The following ZYG11A variants were observed in gnomAD, a reference collection of about 807,000 sequenced individuals.
ZYG11A encodes zyg-11 family member A, cell cycle regulator, also known as protein zyg-11 homolog A.
Under a neutral mutation model 77.2 loss-of-function variants are expected in ZYG11A, and 62 were observed. The ratio of observed to expected loss-of-function variants is 0.80; its 90% confidence interval spans 0.65 to 0.99. The LOEUF is 0.99. Ranked by LOEUF, ZYG11A falls within the 50% of genes least tolerant of loss-of-function variation. ZYG11A has a pLI of 0.00. For missense variants in ZYG11A, 828 were observed against 896.8 expected (o/e 0.92, Z 0.98); for synonymous variants, 315 against 324.6 (o/e 0.97, Z 0.32).
intron 8 of ZYG11A, among the ~76,000 whole-genome samples, chr1:52,876,264 A>G (rs1461587176): frequency 6.6e-6 from 1 of 152,194 alleles, no homozygotes; most frequent in Non-Finnish European, 1.5e-5. Flanking sequence ...AGGTGAGCTC[A>G]GTCTTCTTCA....
intron 8 of ZYG11A, among the ~76,000 whole-genome samples, chr1:52,874,581 A>G (rs767100351): frequency 1.4e-4 from 21 of 152,140 alleles, no homozygotes; most frequent in Admixed American, 1.2e-3. Flanking sequence ...AAGTATCTAC[A>G]TTGGGCCGGG....
In ZYG11A at chr1:52,877,717, G is replaced by T. The variant is rs1461978297; in HGVS notation, c.1578G>T (p.Glu526Asp). The change falls in exon 9 of 14, where the codon GAG becomes GAT. Residue 526 changes from glutamate (E) to aspartate (D), a missense_variant. Coordinates refer to ENST00000371528, the MANE Select transcript of ZYG11A (RefSeq NM_001004339.3). ...LLAIVKQKTT[E>D]NLDDVTFLFT... ...CAATAGTAAAACAAAAGACTACTGAGAATTTAGATGATGTCACCTTCTTGT... is the reference window on the plus strand; with the variant it reads ...CAATAGTAAAACAAAAGACTACTGATAATTTAGATGATGTCACCTTCTTGT... 1.3e-6 allele frequency: 2 copies of T among 1,551,772 alleles called. No individual in the cohort carries two copies. The highest frequency in any genetic ancestry group is 3.9e-5 in the Admixed American group (2 of 50,896).
chr1:52,866,041 C>T (rs567981273), intron 5 of ZYG11A, among the ~76,000 whole-genome samples: 27 of 150,742 alleles, frequency 1.8e-4, no homozygotes, highest in Admixed American at 1.6e-3. Flanking sequence ...GGGTTCATGC[C>T]ATTCTCCTGC....
At chr1:52,846,999 C>T (rs1018665289) in intron 1 of ZYG11A, among the ~76,000 whole-genome samples, 10 of 151,836 alleles carry the variant, frequency 6.6e-5, no homozygotes, top group African/African-American at 1.9e-4. Context: ...GGGTACACGC[C>T]GCCACGCCTG....
At chr1:52,873,941 G>C (rs187919257) in intron 8 of ZYG11A, among the ~76,000 whole-genome samples, 13 of 151,704 alleles carry the variant, frequency 8.6e-5, no homozygotes, top group African/African-American at 3.1e-4. Flanking sequence ...CCGAGATCGC[G>C]CCACTGCACT....
chr1:52,892,373 A>G (rs1158635881), intron 13 of ZYG11A, among the ~76,000 whole-genome samples: 3 of 150,444 alleles, frequency 2.0e-5, no homozygotes, highest in African/African-American at 7.3e-5. Context: ...TAAAAATACA[A>G]AAAAATTAGC....
intron 1 of ZYG11A, among the ~76,000 whole-genome samples, chr1:52,851,914 ATTTT>A (rs143301493): frequency 1.6e-5 from 2 of 126,604 alleles, no homozygotes; most frequent in Non-Finnish European, 3.4e-5. Flanking sequence ...TGCCTTCCTA[ATTTT>A]TTTTTTTTTT....
chr1:52,844,277 G>T (rs973158612), intron 1 of ZYG11A, among the ~76,000 whole-genome samples: 2 of 152,192 alleles, frequency 1.3e-5, no homozygotes, highest in African/African-American at 4.8e-5. Flanking sequence ...CTTGTTGGAA[G>T]ACTTTGTGCC....
At chr1:52,852,457 G>A (rs1645732350) in intron 1 of ZYG11A, among the ~76,000 whole-genome samples, 1 of 150,604 alleles carries the variant, frequency 6.6e-6, no homozygotes, top group Non-Finnish European at 1.5e-5. Context: ...TCTGCCTTCT[G>A]GGTTCAAGGG....
rs1236859045 is a variant in ZYG11A, at chr1:52,894,074, G to A, written c.*1117G>A. 6.6e-6 allele frequency: 1 copy of A among 152,156 alleles called. No individual in the cohort carries two copies. The highest frequency in any genetic ancestry group is 1.5e-5 in the Non-Finnish European group (1 of 68,076). The allele number at this position is 152,156 out of a possible 1,614,324, so 9.4% of individuals were successfully genotyped here. On this transcript the variant is annotated 3_prime_UTR_variant, in exon 14 of 14. Coordinates refer to ENST00000371528, the MANE Select transcript of ZYG11A (RefSeq NM_001004339.3). ...GATCCACCCGTCTCGGCCTCCCAAAGTGCTGGGATTACAGGTGTGAGTCAC... is the reference window on the plus strand; with the variant it reads ...GATCCACCCGTCTCGGCCTCCCAAAATGCTGGGATTACAGGTGTGAGTCAC...
chr1:52,861,957 C>T (rs1350734015), intron 4 of ZYG11A, among the ~76,000 whole-genome samples: 3 of 151,966 alleles, frequency 2.0e-5, no homozygotes, highest in Admixed American at 6.6e-5. Flanking sequence ...GCCTGTAATC[C>T]CAGCACTTTT....
chr1:52,843,720 C>G (rs1645503818), intron 1 of ZYG11A, among the ~76,000 whole-genome samples: 1 of 142,812 alleles, frequency 7.0e-6, no homozygotes, highest in South Asian at 2.2e-4. Flanking sequence ...CGGAGTCTCG[C>G]TCTGTCACCA....
At chr1:52,873,759 G>T (rs183094258) in intron 8 of ZYG11A, among the ~76,000 whole-genome samples, 1 of 152,240 alleles carries the variant, frequency 6.6e-6, no homozygotes, top group Non-Finnish European at 1.5e-5. Context: ...GCCAAGGTGG[G>T]TGGATCACGA....
intron 10 of ZYG11A, among the ~76,000 whole-genome samples, chr1:52,878,209 G>A (rs574234360): frequency 2.0e-5 from 3 of 152,326 alleles, no homozygotes; most frequent in African/African-American, 7.2e-5. Flanking sequence ...CTGTGGGTCA[G>A]TAGTTTGAGC....
intron 8 of ZYG11A, among the ~76,000 whole-genome samples, chr1:52,873,649 G>T (rs141653099): frequency 9.2e-5 from 14 of 152,292 alleles, no homozygotes; most frequent in African/African-American, 3.1e-4. Context: ...AACCTGGTTG[G>T]ATGAGACAGC....
chr1:52,850,717 G>T (rs1354041620), intron 1 of ZYG11A, among the ~76,000 whole-genome samples: 1 of 152,152 alleles, frequency 6.6e-6, no homozygotes, highest in Non-Finnish European at 1.5e-5. Flanking sequence ...GCCTCCAAAA[G>T]CTCTGGGATT....
chr1:52,881,696 C>T, intron 11 of ZYG11A, 31 bp downstream of exon 11: 1 of 1,451,492 alleles, frequency 6.9e-7, no homozygotes. Flanking sequence ...TTTATAAAAT[C>T]CAGAGTAATC....
chr1:52,845,127 C>G (rs1235801148), intron 1 of ZYG11A, among the ~76,000 whole-genome samples: 1 of 151,926 alleles, frequency 6.6e-6, no homozygotes, highest in Non-Finnish European at 1.5e-5. Context: ...TGAATTGGCC[C>G]TTTTATCATT....
intron 8 of ZYG11A, among the ~76,000 whole-genome samples, chr1:52,871,565 C>T (rs968838096): frequency 6.6e-6 from 1 of 151,400 alleles, no homozygotes; most frequent in Admixed American, 6.6e-5. Flanking sequence ...GGCGCCATCT[C>T]GGCTCACTGC....
Sources: gnomAD v4.1 joint callset for allele counts (sites outside exome capture counted in the v4.1 genomes callset) on GRCh38, gnomAD v4.1.1 for gene constraint, MANE v1.5 for transcripts, NCBI Gene and HGNC (gene_info 2026-07-23, HGNC 2026-07-21) for gene names.